Variants in SPAG16 observed in about 807,000 individuals in gnomAD.
SPAG16 encodes sperm associated antigen 16.
Under a neutral mutation model 80.4 loss-of-function variants are expected in SPAG16, and 86 were observed. The observed-to-expected ratio is 1.07, with a 90% CI of 0.90 to 1.28. The LOEUF (loss-of-function observed/expected upper bound fraction) is 1.28. Ranked by LOEUF, SPAG16 falls within the 50% of genes most tolerant of loss-of-function variation. SPAG16 has a pLI of 0.00. For missense variants in SPAG16, 870 were observed against 765.3 expected, an observed-to-expected ratio of 1.14 and a Z score of -1.61; for synonymous variants, 294 against 265.9, an observed-to-expected ratio of 1.11 and a Z score of -1.03.
intron 10 of SPAG16, among the ~76,000 whole-genome samples, chr2:213,537,056 G>A (rs886860151): frequency 1.0e-4 from 15 of 150,370 alleles, no homozygotes; most frequent in African/African-American, 2.0e-4. Context: ...GTAAACTATC[G>A]CAACAACAAA....
At chr2:213,624,709 G>A (rs1229047270) in intron 10 of SPAG16, among the ~76,000 whole-genome samples, 1 of 152,196 alleles carries the variant, frequency 6.6e-6, no homozygotes, top group East Asian at 1.9e-4. Context: ...GTATTTTGTT[G>A]AAGCAGATAA....
At chr2:214,211,619 C>A (rs751405585) in intron 15 of SPAG16, among the ~76,000 whole-genome samples, 9 of 152,150 alleles carry the variant, frequency 5.9e-5, no homozygotes, top group Non-Finnish European at 1.0e-4. Context: ...CTTGTGGTAG[C>A]AAATCCCAGC....
At chr2:213,515,050 A>T (rs2075370467) in intron 10 of SPAG16, among the ~76,000 whole-genome samples, 1 of 152,182 alleles carries the variant, frequency 6.6e-6, no homozygotes, top group Admixed American at 6.5e-5. Context: ...TTATATTTTT[A>T]TTCAAAATAA....
intron 10 of SPAG16, among the ~76,000 whole-genome samples, chr2:213,610,263 T>C (rs984851820): frequency 9.2e-5 from 14 of 152,194 alleles, no homozygotes; most frequent in Non-Finnish European, 1.9e-4. Flanking sequence ...CCTGCAAAGC[T>C]GTCCTTTTGC....
At chr2:213,756,562 A>C (rs2068345906) in intron 10 of SPAG16, among the ~76,000 whole-genome samples, 1 of 152,182 alleles carries the variant, frequency 6.6e-6, no homozygotes, top group South Asian at 2.1e-4. Context: ...ATAGGTTTGG[A>C]TTTGTAGCTG....
At chr2:213,807,541 T>C (rs1259498197) in intron 10 of SPAG16, among the ~76,000 whole-genome samples, 2 of 152,158 alleles carry the variant, frequency 1.3e-5, no homozygotes, top group East Asian at 3.9e-4. Context: ...ACTTGATGAA[T>C]GGGCTAGGCA....
intron 15 of SPAG16, among the ~76,000 whole-genome samples, chr2:214,182,961 T>G (rs1198502762): frequency 6.6e-6 from 1 of 151,934 alleles, no homozygotes; most frequent in Non-Finnish European, 1.5e-5. Flanking sequence ...CTAGAAGAGG[T>G]CATAGCGATG....
chr2:214,140,756 G>A (rs1479850002), intron 14 of SPAG16, among the ~76,000 whole-genome samples: 1 of 151,568 alleles, frequency 6.6e-6, no homozygotes, highest in African/African-American at 2.4e-5. Flanking sequence ...AAGCTTCTTA[G>A]GAATTAGCAT....
intron 3 of SPAG16, among the ~76,000 whole-genome samples, chr2:213,298,794 G>A (rs2062608411): frequency 6.6e-6 from 1 of 152,000 alleles, no homozygotes; most frequent in South Asian, 2.1e-4. Flanking sequence ...TAACATTCTT[G>A]ATTTCTGGCA....
intron 9 of SPAG16, among the ~76,000 whole-genome samples, chr2:213,396,320 A>G (rs189747374): frequency 7.6e-4 from 116 of 152,302 alleles, no homozygotes; most frequent in African/African-American, 2.7e-3. Flanking sequence ...TCAATGCGTG[A>G]ATGAACATAG....
intron 10 of SPAG16, among the ~76,000 whole-genome samples, chr2:213,701,993 C>G (rs139956967): frequency 0.03 from 4,633 of 152,244 alleles, 194 homozygotes; most frequent in African/African-American, 0.096. Flanking sequence ...ATGCACCAAT[C>G]AGCACTTTGT....
At chr2:213,346,651 T>G (rs923195145) in intron 6 of SPAG16, among the ~76,000 whole-genome samples, 1 of 152,246 alleles carries the variant, frequency 6.6e-6, no homozygotes, top group South Asian at 2.1e-4. Context: ...ATGTTTTTTG[T>G]CATTGGCTCT....
chr2:213,438,109 C>T (rs73986845), intron 9 of SPAG16, among the ~76,000 whole-genome samples: 11,292 of 152,244 alleles, frequency 0.074, 1,383 homozygotes, highest in African/African-American at 0.25. Context: ...CTTTGCCTTT[C>T]AATCTACCTT....
intron 15 of SPAG16, among the ~76,000 whole-genome samples, chr2:214,183,380 T>C (rs761608381): frequency 3.0e-4 from 45 of 151,900 alleles, no homozygotes; most frequent in Non-Finnish European, 5.6e-4. Context: ...ATAACAAGGA[T>C]TCTGGAGACA....
At chr2:213,787,249 A>G (rs1339691074) in intron 10 of SPAG16, among the ~76,000 whole-genome samples, 1 of 152,158 alleles carries the variant, frequency 6.6e-6, no homozygotes, top group Non-Finnish European at 1.5e-5. Flanking sequence ...TTTAAAAAAT[A>G]CAAGACTTCA....
At chr2:213,813,866 G>C (rs2072341342) in intron 10 of SPAG16, among the ~76,000 whole-genome samples, 1 of 152,098 alleles carries the variant, frequency 6.6e-6, no homozygotes, top group African/African-American at 2.4e-5. Context: ...ACAAAACAGA[G>C]TTTAGCTGAC....
chr2:214,286,345 A>G (rs1171985542), intron 15 of SPAG16, among the ~76,000 whole-genome samples: 2 of 152,188 alleles, frequency 1.3e-5, no homozygotes, highest in Non-Finnish European at 2.9e-5. Context: ...CACACAAAGA[A>G]TCTTCAGGGA....
At chr2:213,507,508 C>T (rs752988371) in intron 10 of SPAG16, among the ~76,000 whole-genome samples, 64 of 152,146 alleles carry the variant, frequency 4.2e-4, no homozygotes, top group Admixed American at 6.5e-4. Flanking sequence ...GTAGGTGATA[C>T]GATTTCTGGA....
intron 13 of SPAG16, among the ~76,000 whole-genome samples, chr2:214,087,161 G>T (rs1419603993): frequency 6.6e-6 from 1 of 151,926 alleles, no homozygotes; most frequent in Non-Finnish European, 1.5e-5. Flanking sequence ...TTATATAAAG[G>T]CTCCCATTCT....
Sources: allele counts gnomAD v4.1 joint callset (sites outside exome capture counted in the v4.1 genomes callset), GRCh38; gene constraint gnomAD v4.1.1; transcripts MANE v1.5; gene names NCBI Gene and HGNC (gene_info 2026-07-23, HGNC 2026-07-21).